OR51B5: variants seen among roughly 807,000 people sequenced by gnomAD.
OR51B5 encodes olfactory receptor 51B5.
For missense variants in OR51B5, 456 were observed against 374.6 expected, an observed-to-expected ratio of 1.22 and a Z score of -1.79; for synonymous variants, 186 against 144.8, an observed-to-expected ratio of 1.28 and a Z score of -2.04.
upstream of OR51B5, among the ~76,000 whole-genome samples, chr11:5,344,846 T>C (rs1305207043): frequency 6.6e-6 from 1 of 152,142 alleles, no homozygotes; most frequent in Non-Finnish European, 1.5e-5. Context: ...AAGTTTAACA[T>C]AAAACAGTAC....
intron 1 of OR51B5, among the ~76,000 whole-genome samples, chr11:5,472,830 C>T (rs575434610): frequency 5.9e-5 from 9 of 152,168 alleles, no homozygotes; most frequent in Non-Finnish European, 1.2e-4. Flanking sequence ...AGTAAGCATA[C>T]CACAACTTAA....
At chr11:5,422,285 A>T in intron 1 of OR51B5, 1 of 1,614,062 alleles carries the variant, frequency 6.2e-7, no homozygotes, top group South Asian at 1.1e-5. Flanking sequence ...CCACATCTGG[A>T]TCTCCATCCC....
rs189376415 is a variant in OR51B5, at chr11:5,371,967, A to C, written n.85-25057T>G. Reference sequence around the variant, plus strand: ...TGCATTTGACCTTATTTTTCTTTTGAGATTCCACATATAAGTAATATCATG... The same window carrying C: ...TGCATTTGACCTTATTTTTCTTTTGCGATTCCACATATAAGTAATATCATG... On this transcript the variant is annotated intron_variant and non_coding_transcript_variant, in intron 1 of 4. Coordinates refer to the OR51B5 transcript ENST00000415970. Among the ~76,000 whole-genome samples, 365 of 151,924 alleles carry C rather than the reference A, an allele frequency of 2.4e-3. 8 individuals are homozygous for C. The highest frequency in any genetic ancestry group is 2.9e-3 in the Admixed American group (45 of 15,266).
chr11:5,367,474 G>A (rs955449547), intron 1 of OR51B5, among the ~76,000 whole-genome samples: 8 of 152,154 alleles, frequency 5.3e-5, no homozygotes, highest in African/African-American at 1.2e-4. Context: ...ACCGCTTAGC[G>A]TAACTTCCTG....
intron 1 of OR51B5, among the ~76,000 whole-genome samples, chr11:5,414,774 C>T (rs7119357): frequency 6.6e-6 from 1 of 152,036 alleles, no homozygotes; most frequent in African/African-American, 2.4e-5. Flanking sequence ...GATTCATAAA[C>T]CAAGTCCTTA....
chr11:5,488,673 C>T (rs1851531133), intron 1 of OR51B5: 1 of 1,385,032 alleles, frequency 7.2e-7, no homozygotes, highest in Non-Finnish European at 1.0e-6. Flanking sequence ...CATAACAATA[C>T]TATTCAGAAA....
intron 1 of OR51B5, among the ~76,000 whole-genome samples, chr11:5,400,597 C>A (rs1421837504): frequency 6.6e-6 from 1 of 152,180 alleles, no homozygotes; most frequent in Non-Finnish European, 1.5e-5. Flanking sequence ...AGGACCCTCT[C>A]AAAGTATCTT....
chr11:5,346,870 T>A (rs911780200), upstream of OR51B5: 2 of 152,146 alleles, frequency 1.3e-5, no homozygotes, highest in Non-Finnish European at 2.9e-5. Context: ...GGTTCTTGTG[T>A]CTTACCTAAA....
chr11:5,423,317 G>A (rs1297464369), intron 1 of OR51B5: 2 of 756,522 alleles, frequency 2.6e-6, no homozygotes, highest in African/African-American at 3.5e-5. Flanking sequence ...TGAGCTAGCA[G>A]CAGTGATTCT....
At chr11:5,441,359 A>G in intron 1 of OR51B5, 2 of 1,613,994 alleles carry the variant, frequency 1.2e-6, no homozygotes, top group Non-Finnish European at 1.7e-6. Flanking sequence ...CAGGCTCCCA[A>G]AACACCAGAG....
At chr11:5,358,395 G>T (rs928136208) in intron 1 of OR51B5, among the ~76,000 whole-genome samples, 1 of 152,198 alleles carries the variant, frequency 6.6e-6, no homozygotes, top group Admixed American at 6.5e-5. Context: ...AAATCTAGAA[G>T]AAATGGATAA....
At chr11:5,423,912 C>T (rs1850400348) in intron 1 of OR51B5, among the ~76,000 whole-genome samples, 1 of 151,798 alleles carries the variant, frequency 6.6e-6, no homozygotes, top group Admixed American at 6.6e-5. Flanking sequence ...TTTTCCGGAC[C>T]AGAGCAGACT....
chr11:5,347,273 T>A (rs1000740225), upstream of OR51B5, among the ~76,000 whole-genome samples: 7 of 152,186 alleles, frequency 4.6e-5, no homozygotes, highest in African/African-American at 1.7e-4. Context: ...TCTTGGCCTA[T>A]GTAACCTGAA....
At chr11:5,381,174 T>TCACA (rs1554885859) in intron 1 of OR51B5, among the ~76,000 whole-genome samples, 57,068 of 147,838 alleles carry the variant, frequency 0.39, 11,288 homozygotes, top group South Asian at 0.53. Context: ...TCTCTCTCTC[T>TCACA]CACACACACA....
At chr11:5,371,745 C>A (rs1849451608) in intron 1 of OR51B5, among the ~76,000 whole-genome samples, 1 of 152,076 alleles carries the variant, frequency 6.6e-6, no homozygotes, top group South Asian at 2.1e-4. Context: ...TCCATAGATA[C>A]CTTTTGCTTT....
At chr11:5,494,726 C>T (rs1046963523) in intron 1 of OR51B5, among the ~76,000 whole-genome samples, 17 of 152,214 alleles carry the variant, frequency 1.1e-4, no homozygotes, top group Admixed American at 9.2e-4. Flanking sequence ...GATATTTTCT[C>T]AAAGATTTAT....
intron 1 of OR51B5, chr11:5,422,768 G>A (rs1850370031): frequency 6.2e-7 from 1 of 1,613,976 alleles, no homozygotes; most frequent in Non-Finnish European, 8.5e-7. Context: ...GATCCGCCTG[G>A]TCTGTGCTGA....
chr11:5,381,371 C>T (rs963088085), intron 1 of OR51B5, among the ~76,000 whole-genome samples: 2 of 152,126 alleles, frequency 1.3e-5, no homozygotes, highest in Non-Finnish European at 2.9e-5. Flanking sequence ...CATCATGCAC[C>T]CACATTCACT....
At chr11:5,465,729 T>A (rs1851130548) in intron 1 of OR51B5, among the ~76,000 whole-genome samples, 1 of 143,198 alleles carries the variant, frequency 7.0e-6, no homozygotes, top group South Asian at 2.4e-4. Flanking sequence ...ATTTAATAAA[T>A]GGTGCTGGGA....
Sources: allele counts gnomAD v4.1 joint callset (sites outside exome capture counted in the v4.1 genomes callset), GRCh38; gene constraint gnomAD v4.1.1; transcripts MANE v1.5; gene names NCBI Gene and HGNC (gene_info 2026-07-23, HGNC 2026-07-21).